The following ZNF98 variants were observed in gnomAD, a reference collection of about 807,000 sequenced individuals.
ZNF98 encodes the protein zinc finger protein 98.
In ZNF98, 8 loss-of-function variants were observed where a neutral mutation model predicts 12.8. The observed-to-expected ratio is 0.63, with a 90% CI of 0.37 to 1.13. ZNF98 has a LOEUF of 1.13. Ranked by LOEUF, ZNF98 falls within the 50% of genes most tolerant of loss-of-function variation. The pLI, the probability that ZNF98 is intolerant of heterozygous loss-of-function variation, is 0.01. For synonymous variants in ZNF98, 112 were observed against 223.5 expected, an observed-to-expected ratio of 0.50 and a Z score of 4.45; for missense variants, 379 against 666.1, an observed-to-expected ratio of 0.57 and a Z score of 4.74.
intron 1 of ZNF98, among the ~76,000 whole-genome samples, chr19:22,408,159 G>A (rs1172696225): frequency 6.6e-6 from 1 of 152,148 alleles, no homozygotes; most frequent in African/African-American, 2.4e-5. Context: ...ATCAATAAAC[G>A]TAATTCATGA....
At chr19:22,395,590 A>C (rs911314012) in intron 3 of ZNF98, among the ~76,000 whole-genome samples, 1 of 152,174 alleles carries the variant, frequency 6.6e-6, no homozygotes, top group Non-Finnish European at 1.5e-5. Context: ...TTAAAAAAAA[A>C]CAATTTGGTG....
intron 1 of ZNF98, among the ~76,000 whole-genome samples, chr19:22,411,553 TC>T (rs1969580417): frequency 6.6e-6 from 1 of 152,092 alleles, no homozygotes; most frequent in African/African-American, 2.4e-5. Flanking sequence ...AAAAAATAAA[TC>T]TTTGCCAAAG....
chr19:22,400,207 C>T (rs1599385236), intron 3 of ZNF98, among the ~76,000 whole-genome samples: 1 of 152,242 alleles, frequency 6.6e-6, no homozygotes, highest in East Asian at 1.9e-4. Flanking sequence ...CCCTTTATAG[C>T]CACGCAGCAG....
chr19:22,403,617 A>G, intron 1 of ZNF98, 105 bp from the exon 2 acceptor site: 1 of 1,104,540 alleles, frequency 9.1e-7, no homozygotes. Context: ...GTTCTTACTT[A>G]TAGGAGTGAC....
intron 1 of ZNF98, among the ~76,000 whole-genome samples, chr19:22,408,515 A>C (rs10413240): frequency 0.43 from 64,806 of 151,934 alleles, 14,047 homozygotes; most frequent in Non-Finnish European, 0.46. Flanking sequence ...CTCTGTTTGC[A>C]GATGACATTA....
rs186182950 is a variant in ZNF98 at position 22,402,793 on chromosome 19, G to C, written c.249C>G (p.Pro83=). The C allele has an allele frequency of 8.1e-4, 1,279 of 1,586,992 alleles. 13 individuals are homozygous for C. The highest frequency in any genetic ancestry group is 7.0e-4 in the South Asian group (60 of 85,486). ...TTCACTTTCACTCTCACCTACCTGG[G>C]GGTTCAGTTACCATCTCATGTCTCT... ...NVKRHEMVTE[P]PVVYSYFAQD... The change falls in exon 3 of 4, where the codon CCC becomes CCG. Residue 83 remains proline, a synonymous_variant. Transcript: ENST00000357774.
intron 3 of ZNF98, 120 bp from the exon 4 acceptor site, chr19:22,393,101 C>A: frequency 3.0e-6 from 3 of 1,016,570 alleles, no homozygotes; most frequent in Non-Finnish European, 1.3e-6. Flanking sequence ...AAATATTACA[C>A]GCTCTAACAT....
rs1285566789 is a variant in ZNF98, at chr19:22,402,224, CAT to C, written c.253+563_253+564del. Reference sequence around the variant, plus strand: ...AGAGAAAAAGAAAATACAATTCTCACATAGACTTACAATAAACTTTGAATAGC... The same window carrying C: ...AGAGAAAAAGAAAATACAATTCTCACAGACTTACAATAAACTTTGAATAGC... On this transcript the variant is annotated intron_variant, in intron 3 of 3. Transcript: ENST00000357774. Among the ~76,000 whole-genome samples, 3 of 135,656 alleles carry C rather than the reference CAT, an allele frequency of 2.2e-5. No homozygotes were observed. In the East Asian group the frequency reaches 6.6e-4, roughly 30 times the overall value. 89.0% of individuals were successfully genotyped at this position (135,656 alleles called of 152,430 possible).
At chr19:22,402,745 T>C (rs1969473277) in intron 3 of ZNF98, 44 bp downstream of exon 3, 3 of 1,384,034 alleles carry the variant, frequency 2.2e-6, no homozygotes, top group South Asian at 2.9e-5. Context: ...ACTTTGGAGC[T>C]CTCATCTGTG....
At chr19:22,409,748 C>T (rs1969560441) in intron 1 of ZNF98, among the ~76,000 whole-genome samples, 1 of 151,740 alleles carries the variant, frequency 6.6e-6, no homozygotes, top group Non-Finnish European at 1.5e-5. Flanking sequence ...CCCGCCTCTA[C>T]TAAAAATACA....
chr19:22,402,505 G>A (rs929912881), intron 3 of ZNF98: 12 of 411,202 alleles, frequency 2.9e-5, no homozygotes, highest in Non-Finnish European at 4.7e-5. Context: ...TGAAAAAGCA[G>A]TCAGATTTCA....
chr19:22,393,922 A>G (rs1008848416), intron 3 of ZNF98, among the ~76,000 whole-genome samples: 1 of 151,880 alleles, frequency 6.6e-6, no homozygotes, highest in Non-Finnish European at 1.5e-5. Context: ...GAGAAAATCT[A>G]TGCAATCTAC....
intron 1 of ZNF98, among the ~76,000 whole-genome samples, chr19:22,413,100 A>G (rs1969599662): frequency 6.6e-6 from 1 of 151,962 alleles, no homozygotes; most frequent in Non-Finnish European, 1.5e-5. Context: ...AATAATAATG[A>G]GTTATCCATC....
intron 3 of ZNF98, among the ~76,000 whole-genome samples, chr19:22,399,011 C>A (rs914275957): frequency 2.6e-5 from 4 of 152,128 alleles, no homozygotes; most frequent in Non-Finnish European, 4.4e-5. Context: ...ATCTCTTAAA[C>A]CCCACACCGA....
intron 1 of ZNF98, among the ~76,000 whole-genome samples, chr19:22,420,214 G>C (rs1017407999): frequency 2.6e-5 from 4 of 152,092 alleles, no homozygotes; most frequent in African/African-American, 9.7e-5. Context: ...GGTCAATTCA[G>C]ATCATCCAAC....
At position 22,391,282 on chromosome 19, in the gene ZNF98, T is replaced by C. The variant is rs1240433511; in HGVS notation, c.*234A>G. On this transcript the variant is annotated 3_prime_UTR_variant, in exon 4 of 4. Transcript: ENST00000357774. The stretch of plus-strand genomic sequence containing the variant: ...ATTGCACCTTTAATGCTATTAAGTA[T>C]AAATTCTCTGATGCTGAATAAGATG... 2.3e-6 allele frequency: 2 copies of C among 851,212 alleles called. No individual in the cohort carries two copies. Among genetic ancestry groups the C allele is most frequent in the Admixed American group, 3.5e-5 (1 of 28,278 alleles). The allele number at this position is 851,212 out of a possible 1,614,324, so 52.7% of individuals were successfully genotyped here.
intron 3 of ZNF98, among the ~76,000 whole-genome samples, chr19:22,396,371 CA>C (rs909752048): frequency 2.0e-5 from 3 of 147,884 alleles, no homozygotes; most frequent in Admixed American, 6.7e-5. Flanking sequence ...AAGGTGCCAC[CA>C]AAAAAAAATT....
At chr19:22,394,793 G>T (rs1018649144) in intron 3 of ZNF98, among the ~76,000 whole-genome samples, 7 of 152,004 alleles carry the variant, frequency 4.6e-5, no homozygotes, top group African/African-American at 1.4e-4. Flanking sequence ...AAAGTATAAT[G>T]AAATAAATAA....
chr19:22,404,403 C>T (rs559467338), intron 1 of ZNF98, among the ~76,000 whole-genome samples: 1 of 152,276 alleles, frequency 6.6e-6, no homozygotes, highest in African/African-American at 2.4e-5. Context: ...CTTTCGTTTT[C>T]CAAAGACAGA....
Sources: allele counts gnomAD v4.1 joint callset (sites outside exome capture counted in the v4.1 genomes callset), GRCh38; gene constraint gnomAD v4.1.1; transcripts MANE v1.5; gene names NCBI Gene and HGNC (gene_info 2026-07-23, HGNC 2026-07-21).